The following PCDH10 variants were observed in gnomAD, a reference collection of about 807,000 sequenced individuals.
The protein encoded by PCDH10 is protocadherin-10.
A neutral mutation model predicts 74.4 loss-of-function variants in PCDH10; 15 were observed. The ratio of observed to expected loss-of-function variants is 0.20; its 90% CI spans 0.13 to 0.31. The LOEUF (loss-of-function observed/expected upper bound fraction) is 0.31, where lower values mean the gene tolerates loss of function less well. Ranked by LOEUF, PCDH10 falls within the 10% of genes least tolerant of loss-of-function variation. The probability of loss-of-function intolerance (pLI) is 1.00; values close to 1 mark genes in which losing one functional copy is unlikely to be tolerated. For missense variants in PCDH10, 1,260 were observed against 1,390.2 expected, an observed-to-expected ratio of 0.91 and a Z score of 1.49; for synonymous variants, 619 against 589.8, an observed-to-expected ratio of 1.05 and a Z score of -0.72.
At chr4:133,172,675 A>C (rs1324614296) in intron 4 of PCDH10, among the ~76,000 whole-genome samples, 2 of 151,980 alleles carry the variant, frequency 1.3e-5, no homozygotes, top group Non-Finnish European at 2.9e-5. Context: ...CTGGGGTTTC[A>C]ACTTTATATA....
At chr4:133,207,486 T>C (rs1728032792) in intron 2 of PCDH10, among the ~76,000 whole-genome samples, 1 of 152,172 alleles carries the variant, frequency 6.6e-6, no homozygotes, top group African/African-American at 2.4e-5. Flanking sequence ...TTTTACTGTT[T>C]GGGACTAGGA....
At chr4:133,179,088 G>A (rs1727355511) in intron 4 of PCDH10, among the ~76,000 whole-genome samples, 1 of 151,990 alleles carries the variant, frequency 6.6e-6, no homozygotes, top group African/African-American at 2.4e-5. Flanking sequence ...GTCTTTTTGA[G>A]TGCAGTGTTT....
chr4:133,204,173 GGCAAGGTGGCTACCCTT>G (rs1297627847), intron 2 of PCDH10, among the ~76,000 whole-genome samples: 1 of 152,180 alleles, frequency 6.6e-6, no homozygotes, highest in Non-Finnish European at 1.5e-5. Context: ...ACAGGAAATG[GGCAAGGTGGCTACCCTT>G]GCCTGAACGG....
chr4:133,173,083 G>C (rs1318943719), intron 4 of PCDH10, among the ~76,000 whole-genome samples: 1 of 151,942 alleles, frequency 6.6e-6, no homozygotes, highest in African/African-American at 2.4e-5. Flanking sequence ...AATAGCAAAA[G>C]AGTAGAAAAA....
chr4:133,190,997 T>G lies in PCDH10; in HGVS notation c.*837T>G, dbSNP rs970332742. On this transcript the variant is annotated 3_prime_UTR_variant, in exon 5 of 5. Coordinates refer to ENST00000264360, the MANE Select transcript of PCDH10 (RefSeq NM_032961.3). ...ACAAAATTTTGTCAAAAACTCATAT[T>G]GAATTTTCAATGCCAAAGATGTAGC... 2 of 152,334 alleles carry G rather than the reference T, an allele frequency of 1.3e-5. No individual in the cohort carries two copies. The highest frequency in any genetic ancestry group is 2.9e-5 in the Non-Finnish European group (2 of 67,898). The allele number at this position is 152,334 out of a possible 1,614,324, so 9.4% of individuals were successfully genotyped here. A position where few individuals can be genotyped will look rare whatever the true frequency, so the allele number is the denominator to read the frequency against.
Position 133,190,532 on chromosome 4 carries a change from C to T in PCDH10, c.*372C>T. The T allele has an allele frequency of 5.0e-6, 1 of 200,370 alleles. No homozygotes were observed. The highest frequency in any genetic ancestry group is 2.3e-5 in the African/African-American group (1 of 43,372). 12.4% of individuals were successfully genotyped at this position (200,370 alleles called of 1,614,324 possible). ...AATTTGTGCATTATAAATGCAATAT[C>T]ACTGTTTTAAACTTGACTGTTTTAT... On this transcript the variant is annotated 3_prime_UTR_variant, in exon 5 of 5. Transcript: ENST00000264360.
chr4:133,189,161 A>T (rs1301371805), intron 4 of PCDH10, among the ~76,000 whole-genome samples: 1 of 152,186 alleles, frequency 6.6e-6, no homozygotes, highest in East Asian at 1.9e-4. Flanking sequence ...TTTGTTTAAA[A>T]AAAGCAACCA....
chr4:133,201,708 T>C (rs1490937961), intron 2 of PCDH10, among the ~76,000 whole-genome samples: 1 of 151,576 alleles, frequency 6.6e-6, no homozygotes, highest in African/African-American at 2.4e-5. Flanking sequence ...AATACAAAAT[T>C]AGCCGGGCAT....
At chr4:133,180,745 A>G (rs958151339) in intron 4 of PCDH10, among the ~76,000 whole-genome samples, 47 of 151,966 alleles carry the variant, frequency 3.1e-4, no homozygotes, top group African/African-American at 1.1e-3. Flanking sequence ...TTTGCTATGT[A>G]ATTAAATGTT....
chr4:133,183,048 C>T (rs1168054764), intron 4 of PCDH10, among the ~76,000 whole-genome samples: 1 of 151,742 alleles, frequency 6.6e-6, no homozygotes, highest in Non-Finnish European at 1.5e-5. Context: ...AAAATGATTA[C>T]TCTGTGTTTT....
rs1727741925 is a variant in PCDH10 at position 133,194,130 on chromosome 4, A to G, written c.*3970A>G. 6.6e-6 allele frequency: 1 copy of G among 151,886 alleles called. No homozygotes were observed. The highest frequency in any genetic ancestry group is 2.1e-4 in the South Asian group (1 of 4,832). The allele number at this position is 151,886 out of a possible 1,614,324, so 9.4% of individuals were successfully genotyped here. A position where few individuals can be genotyped will look rare whatever the true frequency, so the allele number is the denominator to read the frequency against. ...TGCCGCCAGAGTATTGCAGGCAATA[A>G]TACGACTAAAATTCTAATACTTTTA... On this transcript the variant is annotated 3_prime_UTR_variant, in exon 5 of 5. Coordinates refer to ENST00000264360, the MANE Select transcript of PCDH10 (RefSeq NM_032961.3).
At chr4:133,172,487 A>G (rs767717965) in intron 4 of PCDH10, among the ~76,000 whole-genome samples, 34 of 152,064 alleles carry the variant, frequency 2.2e-4, no homozygotes, top group Middle Eastern at 6.8e-3. Context: ...TGTATAACTC[A>G]AGAAATGTTT....
exon 3 of PCDH10, chr4:133,208,242 GGCACCCAGTTAAGCT>G (rs1207099870): frequency 6.6e-6 from 1 of 152,158 alleles, no homozygotes; most frequent in African/African-American, 2.4e-5. Context: ...CTTAGCCAGA[GGCACCCAGTTAAGCT>G]GCACTAAAAT....
In PCDH10 at chr4:133,149,332, G is replaced by A. The variant is rs956330448; in HGVS notation, c.-809G>A. The A allele has an allele frequency of 6.6e-6, 1 of 152,546 alleles. No individual in the cohort carries two copies. Among genetic ancestry groups the A allele is most frequent in the African/African-American group, 2.4e-5 (1 of 41,476 alleles). 9.4% of individuals were successfully genotyped at this position (152,546 alleles called of 1,614,324 possible). On this transcript the variant is annotated 5_prime_UTR_variant, in exon 1 of 5. Coordinates refer to ENST00000264360, the MANE Select transcript of PCDH10 (RefSeq NM_032961.3). ...CCAGACCACAGGCTCAGAGGCTGAA[G>A]CAGGAGGAAGGAAGGACTGGAAGGA...
downstream of PCDH10, among the ~76,000 whole-genome samples, chr4:133,197,717 A>T (rs1413464385): frequency 1.3e-5 from 2 of 152,186 alleles, no homozygotes; most frequent in African/African-American, 4.8e-5. Context: ...AGGAACATTT[A>T]GATAACATTG....
downstream of PCDH10, among the ~76,000 whole-genome samples, chr4:133,199,424 T>C (rs983048059): frequency 6.6e-6 from 1 of 150,944 alleles, no homozygotes; most frequent in Non-Finnish European, 1.5e-5. Flanking sequence ...AAGGAACAAA[T>C]GAACACAATT....
At chr4:133,198,854 A>G (rs982350642), downstream of PCDH10, among the ~76,000 whole-genome samples, 33 of 152,214 alleles carry the variant, frequency 2.2e-4, no homozygotes, top group South Asian at 6.2e-4. Flanking sequence ...TTTTTAGTTT[A>G]AGATGTATTT....
chr4:133,204,215 C>T (rs183318708), intron 2 of PCDH10, among the ~76,000 whole-genome samples: 10 of 152,262 alleles, frequency 6.6e-5, no homozygotes, highest in Admixed American at 6.5e-4. Context: ...TCTTGTTAGG[C>T]AACCTGGGAG....
At position 133,192,050 on chromosome 4, in the gene PCDH10, G is replaced by A. The variant is rs1361581846; in HGVS notation, c.*1890G>A. 1 of 150,672 alleles carries A rather than the reference G, an allele frequency of 6.6e-6. No individual in the cohort carries two copies. Among genetic ancestry groups the A allele is most frequent in the Non-Finnish European group, 1.5e-5 (1 of 67,514 alleles). The allele number at this position is 150,672 out of a possible 1,614,324, so 9.3% of individuals were successfully genotyped here. ...ATATATTGGTATCACTCATTTGACT[G>A]TTATCAAATTAGATATTAATATATC... On this transcript the variant is annotated 3_prime_UTR_variant, in exon 5 of 5. Coordinates refer to ENST00000264360, the MANE Select transcript of PCDH10 (RefSeq NM_032961.3).
Sources: gnomAD v4.1 joint callset for allele counts (sites outside exome capture counted in the v4.1 genomes callset) on GRCh38, gnomAD v4.1.1 for gene constraint, MANE v1.5 for transcripts, NCBI Gene and HGNC (gene_info 2026-07-23, HGNC 2026-07-21) for gene names.